Variants in ASXL2 observed in about 807,000 individuals in gnomAD.
ASXL2 encodes the protein putative Polycomb group protein ASXL2.
Under a neutral mutation model 122.0 loss-of-function variants are expected in ASXL2, and 23 were observed. The ratio of observed to expected loss-of-function variants is 0.19; its 90% CI spans 0.14 to 0.27. The LOEUF is 0.27. Ranked by LOEUF, ASXL2 falls within the 10% of genes least tolerant of loss-of-function variation. The probability of loss-of-function intolerance (pLI) is 1.00; values close to 1 mark genes in which losing one functional copy is unlikely to be tolerated. For missense variants in ASXL2, 1,518 were observed against 1,713.8 expected (o/e 0.89, Z 2.02); for synonymous variants, 650 against 637.0 (o/e 1.02, Z -0.31).
chr2:25,830,457 C>T (rs561417054), intron 3 of ASXL2, among the ~76,000 whole-genome samples: 1 of 151,986 alleles, frequency 6.6e-6, no homozygotes, highest in African/African-American at 2.4e-5. Flanking sequence ...TATGGTGAAA[C>T]CCCGTCTCTA....
In ASXL2 at chr2:25,744,069, G is replaced by A. The variant is rs771924957; in HGVS notation, c.2268C>T (p.Thr756=). The A allele has an allele frequency of 5.6e-6, 9 of 1,613,840 alleles. No individual in the cohort carries two copies. The African/African-American group carries it at 1.1e-4, about 19-fold the overall frequency. The change falls in exon 13 of 13, where the codon ACC becomes ACT. Residue 756 remains threonine (T), a synonymous_variant. Coordinates refer to ENST00000435504, the MANE Select transcript of ASXL2 (RefSeq NM_018263.6). The surrounding 1 kb of genome is among the most constrained non-coding windows in gnomAD (Gnocchi z 4.7). ...GCTGTGCCTGGCTTGGGGTGGTCTT[G>A]GTCTCAGACTGGGGCTGAGTCTCTG... ...CGPETQPQSE[T]KTTPSQAQPH...
rs139707569 is a variant in ASXL2 at position 25,792,546 on chromosome 2, C to CAA, written c.403+6837_403+6838dup. Among the ~76,000 whole-genome samples the CAA allele has an allele frequency of 9.7e-3, 1,475 of 151,426 alleles. 23 individuals carry two copies. Among genetic ancestry groups the CAA allele is most frequent in the African/African-American group, 0.032 (1,319 of 41,346 alleles). ...CGAGTTACTATTATTTGATTAAAAA[C>CAA]AAAAAAACAAAAATCATTACATAAA... On this transcript the variant is annotated intron_variant, in intron 5 of 12. Transcript: ENST00000435504.
At chr2:25,751,139 T>C (rs1021100100) in intron 11 of ASXL2, among the ~76,000 whole-genome samples, 1 of 152,250 alleles carries the variant, frequency 6.6e-6, no homozygotes, top group African/African-American at 2.4e-5. Flanking sequence ...TAGTGACTCT[T>C]CTTAATGTTT....
chr2:25,783,205 T>C (rs1163647565), intron 5 of ASXL2, among the ~76,000 whole-genome samples: 2 of 152,150 alleles, frequency 1.3e-5, no homozygotes, highest in East Asian at 3.8e-4. Flanking sequence ...CAGTGTTCTT[T>C]TGAAGGGGAG....
At chr2:25,820,731 GGT>G (rs2089298161) in intron 3 of ASXL2, among the ~76,000 whole-genome samples, 1 of 152,146 alleles carries the variant, frequency 6.6e-6, no homozygotes, top group African/African-American at 2.4e-5. Context: ...ACTGAAAACA[GGT>G]GGAGTTTCTG....
Position 25,750,371 on chromosome 2 carries a change from A to G in ASXL2, c.1185T>C (p.Ser395=). 6.2e-7 allele frequency: 1 copy of G among 1,610,162 alleles called. No individual in the cohort carries two copies. The highest frequency in any genetic ancestry group is 8.5e-7 in the Non-Finnish European group (1 of 1,178,980). ...TTTTCTTTACTTTGGGATCACTGGG[A>G]GAAGCTGTCAATTTCTTAGAATCTT... The part of the protein sequence containing the change: ...SLEDSKKLTA[S]PSDPKVKKTP... Residue 395 remains serine, a synonymous_variant, in exon 12 of 13, where the codon TCT becomes TCC. Coordinates refer to ENST00000435504, the MANE Select transcript of ASXL2 (RefSeq NM_018263.6).
chr2:25,831,753 T>G (rs1293676241), intron 3 of ASXL2, among the ~76,000 whole-genome samples: 1 of 150,864 alleles, frequency 6.6e-6, no homozygotes, highest in Non-Finnish European at 1.5e-5. Flanking sequence ...AGAAACTCAG[T>G]GAATCTAAAT....
Position 25,759,468 on chromosome 2 carries a change from G to A in ASXL2, c.939+14C>T, listed in dbSNP as rs2149146270. On this transcript the variant is annotated intron_variant, in intron 9 of 12. Coordinates refer to ENST00000435504, the MANE Select transcript of ASXL2 (RefSeq NM_018263.6). ...ACAGCTATTTTTAAAATCTTAAGGA[G>A]TTCAATGACGCACCTGTCGATCTAC... 1 of 1,611,870 alleles carries A rather than the reference G, an allele frequency of 6.2e-7. No individual in the cohort carries two copies. The highest frequency in any genetic ancestry group is 1.1e-5 in the South Asian group (1 of 90,910).
At chr2:25,835,375 G>A (rs1365181887) in intron 3 of ASXL2, among the ~76,000 whole-genome samples, 163 bp downstream of exon 3, 1 of 152,020 alleles carries the variant, frequency 6.6e-6, no homozygotes, top group Admixed American at 6.6e-5. Context: ...CACACTTAAC[G>A]AATAAACACT....
intron 1 of ASXL2, among the ~76,000 whole-genome samples, chr2:25,851,294 A>G (rs1193958155): frequency 6.6e-6 from 1 of 152,182 alleles, no homozygotes; most frequent in Admixed American, 6.5e-5. Context: ...TATGAGTATC[A>G]TTTTATAAAG....
intron 1 of ASXL2, among the ~76,000 whole-genome samples, chr2:25,851,143 T>C (rs903248103): frequency 3.4e-5 from 5 of 145,496 alleles, no homozygotes; most frequent in African/African-American, 1.3e-4. Flanking sequence ...CAAAACTCCT[T>C]CTCCAAAAAA....
chr2:25,804,155 G>T (rs1316592447), intron 4 of ASXL2, among the ~76,000 whole-genome samples: 1 of 152,154 alleles, frequency 6.6e-6, no homozygotes, highest in African/African-American at 2.4e-5. Context: ...GAGGCAGGTG[G>T]GTAGGTAGGT....
Position 25,741,887 on chromosome 2 carries a change from G to A in ASXL2, c.*142C>T. The A allele has an allele frequency of 1.3e-6, 1 of 772,358 alleles. No homozygotes were observed. Among genetic ancestry groups the A allele is most frequent in the Non-Finnish European group, 2.0e-6 (1 of 489,474 alleles). 47.8% of individuals were successfully genotyped at this position (772,358 alleles called of 1,614,324 possible). A position where few individuals can be genotyped will look rare whatever the true frequency, so the allele number is the denominator to read the frequency against. Reference sequence around the variant, plus strand: ...CTAAAATGTAAAAAATCTGTACTTTGTATTCCTGATTAAGTAACATTTGTC... The same window carrying A: ...CTAAAATGTAAAAAATCTGTACTTTATATTCCTGATTAAGTAACATTTGTC... On this transcript the variant is annotated 3_prime_UTR_variant, in exon 13 of 13. Transcript: ENST00000435504.
chr2:25,871,216 CT>C (rs1383253985), intron 1 of ASXL2, among the ~76,000 whole-genome samples: 4 of 152,118 alleles, frequency 2.6e-5, no homozygotes, highest in African/African-American at 7.2e-5. Flanking sequence ...ATTCAGAGTT[CT>C]TTTGTAAACA....
rs1427449046 is a variant in ASXL2, at chr2:25,842,701, T to TAG, written c.140+2779_140+2780insCT. Among the ~76,000 whole-genome samples the TAG allele has an allele frequency of 6.6e-4, 89 of 135,400 alleles. No homozygotes were observed. In the South Asian group the frequency reaches 0.014, roughly 21 times the overall value. The allele number at this position is 135,400 out of a possible 152,430, so 88.8% of individuals were successfully genotyped here. On this transcript the variant is annotated intron_variant, in intron 2 of 12. Transcript: ENST00000435504. ...AATTCTTCAAGTGTGTGTATATATATATATAGATAGATAGATAGATAGATG... is the reference window on the plus strand; with the variant it reads ...AATTCTTCAAGTGTGTGTATATATATAGATATAGATAGATAGATAGATAGATG...
intron 5 of ASXL2, among the ~76,000 whole-genome samples, chr2:25,772,857 T>A (rs957224209): frequency 6.6e-6 from 1 of 151,956 alleles, no homozygotes; most frequent in Non-Finnish European, 1.5e-5. Flanking sequence ...TTTACTTAGA[T>A]GTCCTAAGAA....
At position 25,749,800 on chromosome 2, in the gene ASXL2, G is replaced by A. The variant is rs369844902; in HGVS notation, c.1756C>T (p.Arg586Cys). The change falls in exon 12 of 13, where the codon CGT becomes TGT. Residue 586 changes from arginine to cysteine, a missense_variant. Physicochemically the swap from Arg to Cys is radical, Grantham distance 180. This residue lies in a region of ASXL2 where 292 missense variants were observed against 293.5 expected (regional missense o/e 1.00). Transcript: ENST00000435504. Reference sequence around the variant, plus strand: ...TGGTGCTGGCGATTCTCAGTGACACGTGGCCTCTTCTCCCAGCTCACAGGG... The same window carrying A: ...TGGTGCTGGCGATTCTCAGTGACACATGGCCTCTTCTCCCAGCTCACAGGG... ...EAPVSWEKRP[R>C]VTENRQHQQP... 89 of 1,608,922 alleles carry A rather than the reference G, an allele frequency of 5.5e-5. No homozygotes were observed. Among genetic ancestry groups the A allele is most frequent in the Non-Finnish European group, 6.8e-5 (80 of 1,178,530 alleles).
At chr2:25,849,731 G>A (rs2089694689) in intron 1 of ASXL2, among the ~76,000 whole-genome samples, 2 of 151,942 alleles carry the variant, frequency 1.3e-5, no homozygotes, top group Non-Finnish European at 2.9e-5. Flanking sequence ...GTAGAGATGG[G>A]GTTTTGCCAT....
intron 5 of ASXL2, among the ~76,000 whole-genome samples, chr2:25,793,767 C>G (rs2088871793): frequency 6.6e-6 from 1 of 152,190 alleles, no homozygotes; most frequent in African/African-American, 2.4e-5. Flanking sequence ...GTCCCTTCCT[C>G]CAACACCAAG....
Sources: gnomAD v4.1 joint callset for allele counts (sites outside exome capture counted in the v4.1 genomes callset) on GRCh38, gnomAD v4.1.1 for gene constraint, gnomAD v4.1.1 regional missense constraint, Gnocchi (gnomAD v3.1) non-coding constraint, MANE v1.5 for transcripts, NCBI Gene and HGNC (gene_info 2026-07-23, HGNC 2026-07-21) for gene names.